Variants in SIPA1L1 observed in about 807,000 individuals in gnomAD.
The protein encoded by SIPA1L1 is signal-induced proliferation-associated 1-like protein 1.
A neutral mutation model predicts 162.7 loss-of-function variants in SIPA1L1; 26 were observed. That is an observed-to-expected ratio of 0.16 (90% CI 0.12 to 0.22). The LOEUF (loss-of-function observed/expected upper bound fraction) is 0.22. Ranked by LOEUF, SIPA1L1 falls within the 10% of genes least tolerant of loss-of-function variation. The pLI is 1.00. For missense variants in SIPA1L1, 1,874 were observed against 2,241.0 expected (o/e 0.84, Z 3.31); for synonymous variants, 829 against 837.4 (o/e 0.99, Z 0.17).
At chr14:71,421,797 G>A (rs986940680) in intron 2 of SIPA1L1, among the ~76,000 whole-genome samples, 9 of 152,030 alleles carry the variant, frequency 5.9e-5, no homozygotes, top group South Asian at 2.1e-4. Flanking sequence ...GTTTTTCCTG[G>A]GGAATGTAGA....
chr14:71,615,088 A>G (rs142508935), intron 5 of SIPA1L1, among the ~76,000 whole-genome samples: 209 of 152,318 alleles, frequency 1.4e-3, no homozygotes, highest in Non-Finnish European at 2.5e-3. Flanking sequence ...TCCAGTATTC[A>G]GTCCCTCTTT....
intron 11 of SIPA1L1, 50 bp downstream of exon 11, chr14:71,671,742 T>G: frequency 1.4e-6 from 2 of 1,422,374 alleles, no homozygotes; most frequent in Non-Finnish European, 1.9e-6. Flanking sequence ...TTCATAAAGT[T>G]TTCAATACAG....
At chr14:71,375,139 G>T (rs2039258770) in intron 2 of SIPA1L1, among the ~76,000 whole-genome samples, 2 of 152,134 alleles carry the variant, frequency 1.3e-5, no homozygotes, top group Non-Finnish European at 2.9e-5. Context: ...CTCTTTCGGG[G>T]TTCTGTGTCC....
intron 6 of SIPA1L1, among the ~76,000 whole-genome samples, chr14:71,621,775 C>T (rs190590807): frequency 6.6e-6 from 1 of 152,262 alleles, no homozygotes; most frequent in African/African-American, 2.4e-5. Flanking sequence ...CCCTGTTTCT[C>T]ACTTCCCCTC....
At chr14:71,406,833 T>C (rs749762902) in intron 2 of SIPA1L1, among the ~76,000 whole-genome samples, 3 of 152,240 alleles carry the variant, frequency 2.0e-5, no homozygotes, top group Non-Finnish European at 4.4e-5. Context: ...ACGAAACAAG[T>C]GCCTGTGGAT....
At chr14:71,575,119 C>T (rs1214204780) in intron 4 of SIPA1L1, 4 of 152,282 alleles carry the variant, frequency 2.6e-5, no homozygotes, top group East Asian at 3.9e-4. Flanking sequence ...AGCATTTTTA[C>T]ATCAGCTTTG....
At chr14:71,728,259 T>C (rs1468353587) in intron 19 of SIPA1L1, among the ~76,000 whole-genome samples, 4 of 152,224 alleles carry the variant, frequency 2.6e-5, no homozygotes, top group African/African-American at 9.6e-5. Context: ...CTGGTTTTAT[T>C]TTTTAAGAAA....
intron 22 of SIPA1L1, among the ~76,000 whole-genome samples, chr14:71,737,841 C>T (rs1353132593): frequency 6.6e-6 from 1 of 152,130 alleles, no homozygotes; most frequent in Non-Finnish European, 1.5e-5. Context: ...TTCCCACACA[C>T]AGGGGAGTAA....
chr14:71,391,425 A>G (rs373877967), intron 2 of SIPA1L1, among the ~76,000 whole-genome samples: 34 of 152,180 alleles, frequency 2.2e-4, no homozygotes, highest in Non-Finnish European at 3.2e-4. Flanking sequence ...TTCTTAGTCT[A>G]TAGGCTGGGA....
At chr14:71,394,423 C>T (rs1203484399) in intron 2 of SIPA1L1, among the ~76,000 whole-genome samples, 1 of 152,198 alleles carries the variant, frequency 6.6e-6, no homozygotes, top group Non-Finnish European at 1.5e-5. Flanking sequence ...TCATCTCCTG[C>T]TGCATTTATG....
intron 10 of SIPA1L1, among the ~76,000 whole-genome samples, chr14:71,661,753 T>C (rs1202789827): frequency 6.6e-6 from 1 of 152,202 alleles, no homozygotes; most frequent in African/African-American, 2.4e-5. Context: ...TTACTCATAT[T>C]GCTAATTATA....
chr14:71,414,655 ATCT>A (rs1362147901), intron 2 of SIPA1L1, among the ~76,000 whole-genome samples: 6 of 152,172 alleles, frequency 3.9e-5, no homozygotes, highest in Non-Finnish European at 7.3e-5. Context: ...TGCATTTAAA[ATCT>A]TCTCTATGTT....
At chr14:71,531,987 G>T (rs2053487850) in intron 4 of SIPA1L1, among the ~76,000 whole-genome samples, 1 of 151,838 alleles carries the variant, frequency 6.6e-6, no homozygotes, top group Non-Finnish European at 1.5e-5. Context: ...TAAAGTATCA[G>T]AGAAAAATTT....
chr14:71,416,720 T>TACACACACACACAC (rs3085177), intron 2 of SIPA1L1, among the ~76,000 whole-genome samples: 22 of 147,738 alleles, frequency 1.5e-4, no homozygotes, highest in African/African-American at 5.0e-4. Context: ...AAGAAAAATC[T>TACACACACACACAC]ACACACACAC....
intron 4 of SIPA1L1, among the ~76,000 whole-genome samples, chr14:71,569,573 C>T (rs1317459409): frequency 6.6e-6 from 1 of 152,104 alleles, no homozygotes; most frequent in Non-Finnish European, 1.5e-5. Context: ...ATTTGTGGGT[C>T]CCCCAGTATA....
intron 2 of SIPA1L1, among the ~76,000 whole-genome samples, chr14:71,381,001 C>G (rs1188201244): frequency 6.6e-6 from 1 of 152,094 alleles, no homozygotes; most frequent in Non-Finnish European, 1.5e-5. Flanking sequence ...GACTATTACC[C>G]CCATAGTGCA....
At chr14:71,722,352 C>G (rs2083820761) in intron 17 of SIPA1L1, among the ~76,000 whole-genome samples, 1 of 152,200 alleles carries the variant, frequency 6.6e-6, no homozygotes, top group Admixed American at 6.5e-5. Context: ...AATATTGATA[C>G]AGTATTATTA....
intron 2 of SIPA1L1, among the ~76,000 whole-genome samples, chr14:71,381,199 C>T (rs1160146937): frequency 2.0e-5 from 3 of 152,100 alleles, no homozygotes; most frequent in Non-Finnish European, 2.9e-5. Flanking sequence ...ATTACAGGTG[C>T]CCACCACGGT....
At chr14:71,675,375 A>G (rs1279153458) in intron 12 of SIPA1L1, among the ~76,000 whole-genome samples, 3 of 118,182 alleles carry the variant, frequency 2.5e-5, no homozygotes, top group African/African-American at 5.6e-5. Context: ...CTGAAAAGCC[A>G]TACAGTTTCC....
Sources: gnomAD v4.1 joint callset for allele counts (sites outside exome capture counted in the v4.1 genomes callset) on GRCh38, gnomAD v4.1.1 for gene constraint, MANE v1.5 for transcripts, NCBI Gene and HGNC (gene_info 2026-07-23, HGNC 2026-07-21) for gene names.